Variants in RCOR1 observed in about 807,000 individuals in gnomAD.
The protein encoded by RCOR1 is REST corepressor 1, also known as REST corepressor.
RCOR1 carries 12 observed loss-of-function variants against 64.0 expected under a neutral mutation model. The ratio of observed to expected loss-of-function variants is 0.19; its 90% CI spans 0.12 to 0.30. The LOEUF is 0.30. RCOR1 is among the 10% of genes least tolerant of loss of function. The pLI is 1.00. For synonymous variants in RCOR1, 279 were observed against 227.2 expected (o/e 1.23, Z -2.05); for missense variants, 502 against 621.2 (o/e 0.81, Z 2.04).
intron 2 of RCOR1, among the ~76,000 whole-genome samples, chr14:102,617,547 C>A (rs1368631510): frequency 6.6e-6 from 1 of 150,914 alleles, no homozygotes; most frequent in Non-Finnish European, 1.5e-5. Flanking sequence ...TGTGAATAGT[C>A]ACTGCACTCC....
chr14:102,707,616 T>G lies in RCOR1; in HGVS notation c.660+104T>G, dbSNP rs992080338. On this transcript the variant is annotated intron_variant, in intron 5 of 11. Transcript: ENST00000262241. Reference sequence around the variant, plus strand: ...TCATACTCAAACATAAATATTCCCATTTTTGATAAAGTTCCCCTTTAGATT... The same window carrying G: ...TCATACTCAAACATAAATATTCCCAGTTTTGATAAAGTTCCCCTTTAGATT... 5 of 1,018,516 alleles carry G rather than the reference T, an allele frequency of 4.9e-6. No homozygotes were observed. In the Admixed American group the frequency reaches 1.3e-4, roughly 26 times the overall value. 63.1% of individuals were successfully genotyped at this position (1,018,516 alleles called of 1,614,324 possible). A position where few individuals can be genotyped will look rare whatever the true frequency, so the allele number is the denominator to read the frequency against.
chr14:102,686,742 T>C (rs1310504724), intron 3 of RCOR1, among the ~76,000 whole-genome samples: 3 of 152,218 alleles, frequency 2.0e-5, no homozygotes, highest in African/African-American at 7.2e-5. Flanking sequence ...CACTGTCTCT[T>C]TTCATGGCTG....
intron 2 of RCOR1, among the ~76,000 whole-genome samples, chr14:102,627,913 T>A (rs1894014544): frequency 6.6e-6 from 1 of 151,652 alleles, no homozygotes; most frequent in Non-Finnish European, 1.5e-5. Flanking sequence ...TATATATATA[T>A]GTATATAATA....
In RCOR1 at chr14:102,593,082, A is replaced by G. The variant is rs1490391979; in HGVS notation, c.196A>G (p.Asn66Asp). 4.2e-6 allele frequency: 6 copies of G among 1,443,362 alleles called. No homozygotes were observed. The highest frequency in any genetic ancestry group is 5.5e-6 in the Non-Finnish European group (6 of 1,094,766). The allele number at this position is 1,443,362 out of a possible 1,614,324, so 89.4% of individuals were successfully genotyped here. A position where few individuals can be genotyped will look rare whatever the true frequency, so the allele number is the denominator to read the frequency against. Residue 66 changes from asparagine to aspartate, a missense_variant, in exon 1 of 12, where the codon AAT becomes GAT. This residue lies in a region of RCOR1 where 242 missense variants were observed against 204.9 expected (regional missense o/e 1.18). Transcript: ENST00000262241. Reference protein sequence around the residue: ...AAAASAAAAPNNGQNKSLAAA... With the variant: ...AAAASAAAAPDNGQNKSLAAA... ...CGCCGCCTCAGCCGCCGCCGCCCCCAATAATGGCCAGAATAAAAGTTTGGC... is the reference window on the plus strand; with the variant it reads ...CGCCGCCTCAGCCGCCGCCGCCCCCGATAATGGCCAGAATAAAAGTTTGGC...
chr14:102,600,731 T>C (rs1377148363), intron 2 of RCOR1, among the ~76,000 whole-genome samples: 1 of 151,646 alleles, frequency 6.6e-6, no homozygotes, highest in Non-Finnish European at 1.5e-5. Flanking sequence ...CCAACACGCC[T>C]GGCTAATTTT....
intron 8 of RCOR1, among the ~76,000 whole-genome samples, chr14:102,720,492 G>A (rs1214261048): frequency 2.0e-5 from 3 of 152,134 alleles, no homozygotes; most frequent in East Asian, 1.9e-4. Context: ...TGTTTTCCTC[G>A]CCCCCCCATC....
At chr14:102,599,515 T>C (rs1224641725) in intron 2 of RCOR1, among the ~76,000 whole-genome samples, 6 of 152,236 alleles carry the variant, frequency 3.9e-5, no homozygotes, top group Non-Finnish European at 7.3e-5. Flanking sequence ...TAATGATGAA[T>C]ATTTTTGAGA....
intron 2 of RCOR1, among the ~76,000 whole-genome samples, chr14:102,678,642 T>C (rs977347151): frequency 1.3e-5 from 2 of 152,340 alleles, no homozygotes; most frequent in Middle Eastern, 3.4e-3. Flanking sequence ...GGTATATGGC[T>C]GAACAGTGGG....
intron 3 of RCOR1, among the ~76,000 whole-genome samples, chr14:102,687,471 C>A (rs1158797592): frequency 6.6e-6 from 1 of 152,136 alleles, no homozygotes; most frequent in Non-Finnish European, 1.5e-5. Flanking sequence ...CTAAGTAAAA[C>A]CCATTTAATG....
chr14:102,671,172 C>G (rs544500133), intron 2 of RCOR1, among the ~76,000 whole-genome samples: 42 of 152,322 alleles, frequency 2.8e-4, no homozygotes, highest in Admixed American at 6.5e-4. Context: ...TTTGGCCATT[C>G]TCTTTCTTGT....
intron 2 of RCOR1, among the ~76,000 whole-genome samples, chr14:102,673,205 T>A (rs1895063551): frequency 6.6e-6 from 1 of 152,068 alleles, no homozygotes; most frequent in African/African-American, 2.4e-5. Flanking sequence ...TTTCAACATT[T>A]AAGTTATGAT....
intron 2 of RCOR1, among the ~76,000 whole-genome samples, chr14:102,593,777 C>T (rs1168411632): frequency 1.3e-5 from 2 of 152,172 alleles, no homozygotes; most frequent in Admixed American, 1.3e-4. Context: ...GCCTTTGCTC[C>T]TCCTCTCAGC....
At chr14:102,692,710 C>CTCCTTCTTTCCT (rs1895559478) in intron 3 of RCOR1, among the ~76,000 whole-genome samples, 1 of 118,684 alleles carries the variant, frequency 8.4e-6, no homozygotes, top group Non-Finnish European at 1.7e-5. Context: ...AACTACATCT[C>CTCCTTCTTTCCT]TCCTTCCTTC....
Position 102,651,059 on chromosome 14 carries a change from A to C in RCOR1, c.362-30836A>C, listed in dbSNP as rs547736286. On this transcript the variant is annotated intron_variant, in intron 2 of 11. Transcript: ENST00000262241. ...AATTCACTAGCAGCTAATAAAACTA[A>C]CATTGTTGCACAGTACATTGTTGAC... 201 of 983,668 alleles carry C rather than the reference A, an allele frequency of 2.0e-4. 1 individual carries two copies. In the Middle Eastern group the frequency reaches 2.1e-3, roughly 10 times the overall value. The allele number at this position is 983,668 out of a possible 1,614,324, so 60.9% of individuals were successfully genotyped here. A position where few individuals can be genotyped will look rare whatever the true frequency, so the allele number is the denominator to read the frequency against.
Position 102,605,995 on chromosome 14 carries a change from G to A in RCOR1, c.361+12670G>A, listed in dbSNP as rs554657093. ...GGCTGGAGTCCAGTGGCATGATCTC[G>A]GCTCACTGCAACCTCTGCTTCCCTG... On this transcript the variant is annotated intron_variant, in intron 2 of 11. Transcript: ENST00000262241. Among the ~76,000 whole-genome samples, 13 of 152,094 alleles carry A rather than the reference G, an allele frequency of 8.5e-5. No homozygotes were observed. In the South Asian group the frequency reaches 2.5e-3, roughly 29 times the overall value.
chr14:102,606,250 C>T (rs527253811), intron 2 of RCOR1, among the ~76,000 whole-genome samples: 15 of 152,010 alleles, frequency 9.9e-5, no homozygotes, highest in African/African-American at 2.2e-4. Context: ...TTAGTAGAGA[C>T]GGGGTTTTGC....
At chr14:102,619,556 C>T (rs999551023) in intron 2 of RCOR1, among the ~76,000 whole-genome samples, 3 of 150,836 alleles carry the variant, frequency 2.0e-5, no homozygotes, top group African/African-American at 4.9e-5. Context: ...TCTTGCCTCA[C>T]TGCAGCCTCT....
intron 2 of RCOR1, among the ~76,000 whole-genome samples, chr14:102,598,407 G>A (rs1388033028): frequency 1.3e-5 from 2 of 152,018 alleles, no homozygotes; most frequent in African/African-American, 4.8e-5. Flanking sequence ...GAGTGAATGA[G>A]GTGGATAGAG....
At chr14:102,676,026 TCA>T (rs1407259831) in intron 2 of RCOR1, among the ~76,000 whole-genome samples, 3 of 136,372 alleles carry the variant, frequency 2.2e-5, no homozygotes, top group African/African-American at 6.1e-5. Flanking sequence ...TCTGAATATT[TCA>T]CAGTTTTTTT....
Sources: allele counts gnomAD v4.1 joint callset (sites outside exome capture counted in the v4.1 genomes callset), GRCh38; gene constraint gnomAD v4.1.1; regional missense constraint gnomAD v4.1.1; transcripts MANE v1.5; gene names NCBI Gene and HGNC (gene_info 2026-07-23, HGNC 2026-07-21).